The following SLC60A2 variants were observed in gnomAD, a reference collection of about 807,000 sequenced individuals.
The protein encoded by SLC60A2 is major facilitator superfamily domain containing 4B.
the SLC60A2 span, chr6:111,270,924 A>G: frequency 2.0e-5 from 3 of 152,150 alleles, no homozygotes; most frequent in African/African-American, 7.2e-5. Flanking sequence ...AGGTACAGCT[A>G]GTATGGGGAT....
the SLC60A2 span, chr6:111,262,331 G>C: frequency 1.9e-6 from 3 of 1,613,994 alleles, no homozygotes; most frequent in South Asian, 2.2e-5. Flanking sequence ...TCAGTAGTCT[G>C]TCTTTCATTT....
the SLC60A2 span, chr6:111,266,628 G>C: frequency 1.2e-6 from 2 of 1,614,204 alleles, no homozygotes; most frequent in African/African-American, 2.7e-5. Flanking sequence ...GAAATCTGCA[G>C]CATTTTTTGT....
chr6:111,271,307 T>TA, the SLC60A2 span: 1 of 152,034 alleles, frequency 6.6e-6, no homozygotes, highest in Non-Finnish European at 1.5e-5. Flanking sequence ...CTGTTATTTT[T>TA]AAAAGAAAAA....
the SLC60A2 span, chr6:111,270,112 T>G: frequency 6.6e-6 from 1 of 152,138 alleles, no homozygotes; most frequent in African/African-American, 2.4e-5. Context: ...CTCCCACAGT[T>G]CTTGCCATGT....
the SLC60A2 span, among the ~76,000 whole-genome samples, chr6:111,273,498 T>G: frequency 2.6e-5 from 3 of 115,190 alleles, no homozygotes; most frequent in Non-Finnish European, 6.6e-5. Flanking sequence ...AGATTTGTGT[T>G]TTTTTTTTTT....
At chr6:111,265,861 A>T in the SLC60A2 span, 1 of 1,556,520 alleles carries the variant, frequency 6.4e-7, no homozygotes. Flanking sequence ...AATTTTTCCC[A>T]TCTTTCATCG....
the SLC60A2 span, among the ~76,000 whole-genome samples, chr6:111,271,775 T>TAAAAAAAAAAAAAAAAAAAAA: frequency 2.1e-4 from 4 of 18,850 alleles, no homozygotes; most frequent in African/African-American, 5.2e-4. Context: ...CCATCTCTAC[T>TAAAAAAAAAAAAAAAAAAAAA]AAAAAAAAAA....
At chr6:111,264,580 A>T in the SLC60A2 span, among the ~76,000 whole-genome samples, 1 of 152,026 alleles carries the variant, frequency 6.6e-6, no homozygotes, top group African/African-American at 2.4e-5. Flanking sequence ...CGAGGTCAGG[A>T]GATCGAGACC....
At chr6:111,267,302 A>C in the SLC60A2 span, 2 of 561,572 alleles carry the variant, frequency 3.6e-6, no homozygotes, top group Non-Finnish European at 3.1e-6. Context: ...AAATAACCAA[A>C]TGGTCTCATA....
At chr6:111,262,132 C>A in the SLC60A2 span, 3 of 677,758 alleles carry the variant, frequency 4.4e-6, no homozygotes, top group Non-Finnish European at 7.1e-6. Context: ...AGTCTAATTC[C>A]CTACATTACA....
chr6:111,265,876 G>A, the SLC60A2 span: 1 of 1,589,532 alleles, frequency 6.3e-7, no homozygotes, highest in Middle Eastern at 1.7e-4. Context: ...TCATCGACAG[G>A]TGGTAACGTC....
the SLC60A2 span, chr6:111,267,852 T>C: frequency 6.6e-6 from 1 of 152,316 alleles, no homozygotes; most frequent in East Asian, 1.9e-4. Context: ...TTTTATTAAT[T>C]GCTTTACCTT....
At chr6:111,273,126 C>T in the SLC60A2 span, among the ~76,000 whole-genome samples, 11 of 152,066 alleles carry the variant, frequency 7.2e-5, no homozygotes, top group African/African-American at 2.7e-4. Flanking sequence ...ATATTTTGGT[C>T]AGAAAAGATT....
chr6:111,276,472 A>AC, the SLC60A2 span, among the ~76,000 whole-genome samples: 1 of 152,312 alleles, frequency 6.6e-6, no homozygotes, highest in South Asian at 2.1e-4. Flanking sequence ...TATCAGTAGC[A>AC]CCCATGTACT....
chr6:111,270,317 A>G, the SLC60A2 span: 1 of 152,164 alleles, frequency 6.6e-6, no homozygotes, highest in Non-Finnish European at 1.5e-5. Context: ...GATGTGACTC[A>G]TTGCGGATCA....
chr6:111,263,749 C>G, the SLC60A2 span: 11 of 689,478 alleles, frequency 1.6e-5, no homozygotes, highest in Non-Finnish European at 2.5e-5. Context: ...CCTGATTTTG[C>G]ATGTTTGGAC....
At chr6:111,266,524 G>T in the SLC60A2 span, 6 of 1,614,044 alleles carry the variant, frequency 3.7e-6, no homozygotes, top group African/African-American at 8.0e-5. Context: ...AACCCAATTT[G>T]TCTCTGGATA....
At chr6:111,266,337 C>T in the SLC60A2 span, 1 of 1,613,954 alleles carries the variant, frequency 6.2e-7, no homozygotes, top group African/African-American at 1.3e-5. Flanking sequence ...TGCAACCACC[C>T]ATGCTGGCAT....
chr6:111,265,202 C>A, the SLC60A2 span: 1 of 807,534 alleles, frequency 1.2e-6, no homozygotes, highest in Non-Finnish European at 1.5e-6. Context: ...TTTTATTTTA[C>A]TTTAGGGTTA....
Sources: allele counts gnomAD v4.1 joint callset (sites outside exome capture counted in the v4.1 genomes callset), GRCh38; gene constraint gnomAD v4.1.1; transcripts MANE v1.5; gene names NCBI Gene and HGNC (gene_info 2026-07-23, HGNC 2026-07-21).